The following KALRN variants were observed in gnomAD, a reference collection of about 807,000 sequenced individuals.
The protein encoded by KALRN is kalirin RhoGEF kinase, also known as kalirin.
A neutral mutation model predicts 353.7 loss-of-function variants in KALRN; 70 were observed. The ratio of observed to expected loss-of-function variants is 0.20; its 90% confidence interval spans 0.16 to 0.24. The LOEUF (loss-of-function observed/expected upper bound fraction) is 0.24. Among genes scored for constraint, KALRN ranks in the 10% least tolerant of loss-of-function variants. The pLI, the probability that KALRN is intolerant of heterozygous loss-of-function variation, is 1.00. For synonymous variants in KALRN, 1,391 were observed against 1,434.8 expected, an observed-to-expected ratio of 0.97 and a Z score of 0.69; for missense variants, 2,791 against 3,756.7, an observed-to-expected ratio of 0.74 and a Z score of 6.72.
At chr3:124,374,308 T>A (rs940222860) in intron 10 of KALRN, 1 of 152,260 alleles carries the variant, frequency 6.6e-6, no homozygotes, top group East Asian at 1.9e-4. Flanking sequence ...AAAGCATTTG[T>A]TATAGCAGCA....
chr3:124,671,563 C>G, intron 47 of KALRN, 97 bp from the exon 48 acceptor site: 6 of 772,082 alleles, frequency 7.8e-6, no homozygotes, highest in Middle Eastern at 3.0e-4. Context: ...TCTCACTTAT[C>G]CACACGATGC....
At chr3:124,457,024 A>AT (rs1032624630) in intron 23 of KALRN, among the ~76,000 whole-genome samples, 6 of 150,828 alleles carry the variant, frequency 4.0e-5, no homozygotes, top group African/African-American at 4.9e-5. Flanking sequence ...CAAATCAAAT[A>AT]TTTTTTCTTC....
intron 1 of KALRN, among the ~76,000 whole-genome samples, chr3:124,040,257 C>T (rs930891837): frequency 1.3e-5 from 2 of 152,138 alleles, no homozygotes; most frequent in African/African-American, 4.8e-5. Context: ...AAGGGGTGAA[C>T]TAGAGGTTCT....
In KALRN at chr3:124,442,014, C is replaced by G. The variant is rs1427389692; in HGVS notation, c.3268C>G (p.Pro1090Ala). The G allele has an allele frequency of 2.5e-6, 4 of 1,606,622 alleles. No homozygotes were observed. The highest frequency in any genetic ancestry group is 1.7e-5 in the Admixed American group (1 of 59,812). ...CATCCACAGGAACAACGTCAGCATG[C>G]CCAGTGTCGCCAGCCACACTCGGGG... is the stretch of plus-strand genomic sequence containing the variant. ...KYIHRNNVSMPSVASHTRGPE... is the reference protein window; with the variant it reads ...KYIHRNNVSMASVASHTRGPE... The change falls in exon 19 of 60, where the codon CCC becomes GCC. Residue 1090 changes from proline to alanine, a missense_variant. This residue lies in a region of KALRN where 268 missense variants were observed against 347.0 expected (regional missense o/e 0.77). Coordinates refer to ENST00000682506, the MANE Select transcript of KALRN (RefSeq NM_001388419.1).
At chr3:124,165,060 C>T (rs1360994978) in intron 1 of KALRN, among the ~76,000 whole-genome samples, 1 of 152,154 alleles carries the variant, frequency 6.6e-6, no homozygotes, top group Non-Finnish European at 1.5e-5. Flanking sequence ...CTAGGTTTCT[C>T]GTAAACTGAG....
intron 56 of KALRN, among the ~76,000 whole-genome samples, chr3:124,700,597 G>C (rs371779855): frequency 6.6e-6 from 1 of 152,032 alleles, no homozygotes. Flanking sequence ...TACAAATAAG[G>C]TTCTTATTTT....
intron 5 of KALRN, among the ~76,000 whole-genome samples, chr3:124,290,116 T>G (rs965020294): frequency 2.0e-5 from 3 of 152,148 alleles, no homozygotes; most frequent in Non-Finnish European, 2.9e-5. Flanking sequence ...ATGCTGAGAC[T>G]AGATATGATG....
At chr3:124,370,089 A>G (rs559987817) in intron 10 of KALRN, among the ~76,000 whole-genome samples, 8 of 152,246 alleles carry the variant, frequency 5.3e-5, no homozygotes, top group Non-Finnish European at 1.0e-4. Context: ...ATTTGTCAAC[A>G]TAAGTTCCAT....
At chr3:124,296,281 A>C (rs1374832126) in intron 5 of KALRN, among the ~76,000 whole-genome samples, 1 of 152,110 alleles carries the variant, frequency 6.6e-6, no homozygotes, top group Non-Finnish European at 1.5e-5. Flanking sequence ...TTTCCCACCC[A>C]AGCTTCTTAC....
intron 3 of KALRN, among the ~76,000 whole-genome samples, chr3:124,240,467 A>T (rs1560328595): frequency 1.3e-5 from 2 of 152,186 alleles, no homozygotes; most frequent in Non-Finnish European, 2.9e-5. Flanking sequence ...CGGAGGGGAA[A>T]CATTACCACT....
intron 31 of KALRN, 85 bp from the exon 32 acceptor site, chr3:124,492,655 A>G (rs1489059055): frequency 8.0e-6 from 11 of 1,369,462 alleles, no homozygotes; most frequent in Non-Finnish European, 1.1e-5. Context: ...AAAATAACAG[A>G]TGAAGACTGC....
At chr3:124,094,763 G>A (rs1423844728) in intron 1 of KALRN, 4 of 1,287,886 alleles carry the variant, frequency 3.1e-6, no homozygotes, top group South Asian at 1.2e-5. Context: ...AAGTGATTCC[G>A]GCCTCCTCGA....
intron 1 of KALRN, among the ~76,000 whole-genome samples, chr3:124,145,073 T>C (rs967888438): frequency 3.3e-5 from 5 of 152,132 alleles, no homozygotes; most frequent in African/African-American, 1.2e-4. Context: ...CCTTCTCTTA[T>C]GGGCAAGAGG....
In KALRN at chr3:124,439,143, C is replaced by G. The variant is rs940014067; in HGVS notation, c.3198+106C>G. 2.9e-6 allele frequency: 3 copies of G among 1,033,244 alleles called. No individual in the cohort carries two copies. In the Admixed American group the frequency reaches 7.6e-5, roughly 26 times the overall value. The allele number at this position is 1,033,244 out of a possible 1,614,324, so 64.0% of individuals were successfully genotyped here. On this transcript the variant is annotated intron_variant, in intron 18 of 59. Coordinates refer to ENST00000682506, the MANE Select transcript of KALRN (RefSeq NM_001388419.1). ...TCTTTCTTTCTCTTTCTCTCTCTTT[C>G]TCTTTCTCTCTCTTTCTCTTTCTCC...
chr3:124,394,595 G>A (rs3772737), intron 11 of KALRN, among the ~76,000 whole-genome samples: 5,502 of 152,196 alleles, frequency 0.036, 197 homozygotes, highest in East Asian at 0.095. Context: ...CACATCTTTA[G>A]CATTCAGCTT....
intron 51 of KALRN, among the ~76,000 whole-genome samples, chr3:124,685,784 C>G (rs79134465): frequency 6.6e-6 from 1 of 152,286 alleles, no homozygotes; most frequent in South Asian, 2.1e-4. Flanking sequence ...TCACTCAGCA[C>G]GCCCTGTCAT....
chr3:124,231,338 C>T (rs1192505514), intron 2 of KALRN, among the ~76,000 whole-genome samples: 1 of 152,236 alleles, frequency 6.6e-6, no homozygotes, highest in African/African-American at 2.4e-5. Context: ...TCCCTTTTAT[C>T]CAGCCTTCTC....
intron 1 of KALRN, among the ~76,000 whole-genome samples, chr3:124,034,512 C>G (rs1223218000): frequency 6.6e-6 from 1 of 152,062 alleles, no homozygotes. Context: ...CCCTCTCATA[C>G]ACACCCACTA....
At chr3:124,509,474 C>T (rs146390205) in intron 33 of KALRN, among the ~76,000 whole-genome samples, 190 of 152,332 alleles carry the variant, frequency 1.2e-3, no homozygotes, top group African/African-American at 4.3e-3. Context: ...TCCCAAAGTG[C>T]TGGGATTACA....
Sources: allele counts gnomAD v4.1 joint callset (sites outside exome capture counted in the v4.1 genomes callset), GRCh38; gene constraint gnomAD v4.1.1; regional missense constraint gnomAD v4.1.1; transcripts MANE v1.5; gene names NCBI Gene and HGNC (gene_info 2026-07-23, HGNC 2026-07-21).